FER: variants seen among roughly 807,000 people sequenced by gnomAD.
FER encodes the protein tyrosine-protein kinase Fer.
In FER, 63 loss-of-function variants were observed where a neutral mutation model predicts 111.0. The observed-to-expected ratio is 0.57, with a 90% confidence interval of 0.46 to 0.70. The LOEUF (loss-of-function observed/expected upper bound fraction) is 0.70, where lower values mean the gene tolerates loss of function less well. FER is among the 30% of genes least tolerant of loss of function. The probability of loss-of-function intolerance (pLI) is 0.00; values close to 1 mark genes in which losing one functional copy is unlikely to be tolerated. For synonymous variants in FER, 327 were observed against 313.9 expected, an observed-to-expected ratio of 1.04 and a Z score of -0.44; for missense variants, 914 against 954.0, an observed-to-expected ratio of 0.96 and a Z score of 0.55.
In FER at chr5:108,883,408, A is replaced by G; in HGVS notation, c.936A>G (p.Leu312=). 6.2e-7 allele frequency: 1 copy of G among 1,605,284 alleles called. No individual in the cohort carries two copies. The highest frequency in any genetic ancestry group is 2.2e-5 in the East Asian group (1 of 44,604). The change falls in exon 9 of 20, where the codon TTA becomes TTG. Residue 312 remains leucine (L), a synonymous_variant. Transcript: ENST00000281092. ...CTGTTTATTCTAGGTTGAAAACGTT[A>G]GCGGAAGAACTTATGCAAACACAGC... is the stretch of plus-strand genomic sequence containing the variant. ...AESLQVMLKT[L]AEELMQTQQM...
intron 10 of FER, among the ~76,000 whole-genome samples, chr5:108,922,140 T>C (rs1294966781): frequency 6.6e-6 from 1 of 152,102 alleles, no homozygotes; most frequent in East Asian, 1.9e-4. Flanking sequence ...CTATAGGAAG[T>C]AAGGAAGGGT....
intron 3 of FER, among the ~76,000 whole-genome samples, chr5:108,808,720 G>C (rs1303342978): frequency 1.3e-5 from 2 of 152,052 alleles, no homozygotes; most frequent in African/African-American, 4.8e-5. Flanking sequence ...GTGGTAGCAG[G>C]TATTTTCGTT....
intron 16 of FER, among the ~76,000 whole-genome samples, chr5:109,072,612 C>G (rs965496365): frequency 1.3e-5 from 2 of 151,868 alleles, no homozygotes; most frequent in Non-Finnish European, 2.9e-5. Context: ...TGACTTAAAG[C>G]TATGTTTCTC....
chr5:109,002,401 G>C (rs1246446747), intron 13 of FER, among the ~76,000 whole-genome samples: 16 of 151,504 alleles, frequency 1.1e-4, no homozygotes, highest in Admixed American at 2.6e-4. Flanking sequence ...AAATGGTGCT[G>C]GGAAAACTGG....
At chr5:109,068,822 A>G (rs1260746520) in intron 16 of FER, among the ~76,000 whole-genome samples, 1 of 152,212 alleles carries the variant, frequency 6.6e-6, no homozygotes, top group African/African-American at 2.4e-5. Context: ...CTGCTGGTAA[A>G]TTAATCTGGG....
intron 13 of FER, among the ~76,000 whole-genome samples, chr5:108,975,942 C>A (rs1209859825): frequency 6.6e-6 from 1 of 151,970 alleles, no homozygotes; most frequent in Admixed American, 6.6e-5. Context: ...TGGGGGCATG[C>A]TAAGTTTTAC....
chr5:108,865,970 A>G (rs991325675), intron 5 of FER, among the ~76,000 whole-genome samples: 1 of 152,146 alleles, frequency 6.6e-6, no homozygotes, highest in Admixed American at 6.6e-5. Flanking sequence ...AAATAGGAAC[A>G]CTTTTACACT....
chr5:108,783,899 C>T (rs377513030), intron 2 of FER, among the ~76,000 whole-genome samples: 30 of 152,242 alleles, frequency 2.0e-4, no homozygotes, highest in African/African-American at 6.3e-4. Flanking sequence ...GAACAAGAGG[C>T]TTCCTGAGAT....
intron 16 of FER, chr5:109,051,751 T>C: frequency 1.3e-6 from 2 of 1,570,428 alleles, no homozygotes; most frequent in Non-Finnish European, 1.8e-6. Flanking sequence ...AACCCAATCC[T>C]TAACGCCCTT....
intron 13 of FER, among the ~76,000 whole-genome samples, chr5:109,002,404 A>G (rs1764907418): frequency 6.6e-6 from 1 of 151,698 alleles, no homozygotes; most frequent in Non-Finnish European, 1.5e-5. Context: ...TGGTGCTGGG[A>G]AAACTGGCTA....
intron 5 of FER, among the ~76,000 whole-genome samples, chr5:108,859,231 T>A (rs2150209557): frequency 6.6e-6 from 1 of 152,320 alleles, no homozygotes; most frequent in Middle Eastern, 3.4e-3. Context: ...CTGTCACTGC[T>A]GTGATCTACC....
At chr5:109,175,977 TC>T (rs1757642016) in intron 17 of FER, among the ~76,000 whole-genome samples, 1 of 151,702 alleles carries the variant, frequency 6.6e-6, no homozygotes, top group African/African-American at 2.4e-5. Context: ...AGATTCCATC[TC>T]CAAAAAACAA....
intron 9 of FER, chr5:108,894,227 C>CA (rs1314669273): frequency 3.5e-6 from 1 of 286,672 alleles, no homozygotes; most frequent in Non-Finnish European, 6.3e-6. Flanking sequence ...AAAAACCCCA[C>CA]AAAACGATCA....
At chr5:109,085,845 G>T (rs1411417312) in intron 16 of FER, among the ~76,000 whole-genome samples, 7 of 151,738 alleles carry the variant, frequency 4.6e-5, no homozygotes, top group Admixed American at 6.6e-5. Flanking sequence ...TTATGATGTT[G>T]AATTGCTGTA....
In FER at chr5:108,871,687, GT is replaced by G. The variant is rs1487486358; in HGVS notation, c.803+190del. Among the ~76,000 whole-genome samples, 4 of 151,740 alleles carry G rather than the reference GT, an allele frequency of 2.6e-5. No homozygotes were observed. The South Asian group carries it at 6.2e-4, about 24-fold the overall frequency. On this transcript the variant is annotated intron_variant, in intron 7 of 19. Coordinates refer to ENST00000281092, the MANE Select transcript of FER (RefSeq NM_005246.4). ...AATGATGATAACTATATAATGTATA[GT>G]TTTTGATATGTAAAAATTTGTTAGT...
chr5:109,013,712 T>C (rs2149809901), intron 13 of FER, among the ~76,000 whole-genome samples: 2 of 152,072 alleles, frequency 1.3e-5, no homozygotes, highest in Middle Eastern at 3.4e-3. Flanking sequence ...TAAAAAAGTG[T>C]TCCTATTTCT....
intron 3 of FER, among the ~76,000 whole-genome samples, chr5:108,815,068 A>C (rs1341880998): frequency 1.3e-5 from 2 of 152,112 alleles, no homozygotes; most frequent in Non-Finnish European, 2.9e-5. Flanking sequence ...CCTTTTCCCT[A>C]GGAGTCCTGG....
chr5:108,962,749 C>A (rs977643825), intron 13 of FER, among the ~76,000 whole-genome samples: 5 of 152,074 alleles, frequency 3.3e-5, no homozygotes, highest in Non-Finnish European at 5.9e-5. Context: ...TGTTGTTAAT[C>A]TCATATAATA....
At chr5:109,107,323 A>C (rs1448287993) in intron 17 of FER, among the ~76,000 whole-genome samples, 1 of 152,036 alleles carries the variant, frequency 6.6e-6, no homozygotes, top group East Asian at 1.9e-4. Flanking sequence ...AAGCCATAGG[A>C]GTTTTTCTTT....
Sources: gnomAD v4.1 joint callset for allele counts (sites outside exome capture counted in the v4.1 genomes callset) on GRCh38, gnomAD v4.1.1 for gene constraint, MANE v1.5 for transcripts, NCBI Gene and HGNC (gene_info 2026-07-23, HGNC 2026-07-21) for gene names.